Variants in PCDHGA7 observed in about 807,000 individuals in gnomAD.
PCDHGA7 encodes the protein protocadherin gamma-A7.
A neutral mutation model predicts 58.3 loss-of-function variants in PCDHGA7; 44 were observed. The ratio of observed to expected loss-of-function variants is 0.75; its 90% CI spans 0.59 to 0.97. The LOEUF is 0.97. PCDHGA7 is among the 50% of genes least tolerant of loss of function. The probability of loss-of-function intolerance (pLI) is 0.00; values close to 1 mark genes in which losing one functional copy is unlikely to be tolerated. For synonymous variants in PCDHGA7, 516 were observed against 504.2 expected (o/e 1.02, Z -0.31); for missense variants, 1,266 against 1,188.7 (o/e 1.06, Z -0.96).
chr5:141,489,477 G>C lies in PCDHGA7; in HGVS notation c.2425-5330G>C, dbSNP rs2154581232. 1.9e-6 allele frequency: 3 copies of C among 1,614,108 alleles called. No homozygotes were observed. Among genetic ancestry groups the C allele is most frequent in the Non-Finnish European group, 2.5e-6 (3 of 1,180,034 alleles). ...ATGGGCGCTATTTTTCCCTGAGCTT[G>C]ATGAGTGGTGCCCTGGCAGTGAATC... is the stretch of plus-strand genomic sequence containing the variant. On this transcript the variant is annotated intron_variant, in intron 1 of 3. Coordinates refer to ENST00000518325, the MANE Select transcript of PCDHGA7 (RefSeq NM_018920.4). This position sits in a 1 kb window ranked among gnomAD's most constrained non-coding sequence, Gnocchi z 4.5.
chr5:141,490,062 C>A lies in PCDHGA7; in HGVS notation c.2425-4745C>A, dbSNP rs758715682. 6.2e-7 allele frequency: 1 copy of A among 1,614,218 alleles called. No homozygotes were observed. The highest frequency in any genetic ancestry group is 1.1e-5 in the South Asian group (1 of 91,082). ...CCACTGATCCAGACGAGGGCACCAA[C>A]GGCCAACTAGACTATTCTTTTGGAG... On this transcript the variant is annotated intron_variant, in intron 1 of 3. Coordinates refer to ENST00000518325, the MANE Select transcript of PCDHGA7 (RefSeq NM_018920.4). The surrounding 1 kb of genome is among the most constrained non-coding windows in gnomAD (Gnocchi z 5.4).
At chr5:141,392,691 AC>A in intron 1 of PCDHGA7, 1 of 1,132,688 alleles carries the variant, frequency 8.8e-7, no homozygotes, top group Non-Finnish European at 1.2e-6. Context: ...GCGAAACCCG[AC>A]CCCTGTTTGG....
At chr5:141,411,895 A>G (rs945335839) in intron 1 of PCDHGA7, 1 of 152,254 alleles carries the variant, frequency 6.6e-6, no homozygotes, top group Non-Finnish European at 1.5e-5. Context: ...TAAATGAAAT[A>G]CTATTGCCTT....
intron 1 of PCDHGA7, chr5:141,433,358 C>CCCAT (rs1554125967): frequency 7.1e-5 from 36 of 503,934 alleles, no homozygotes; most frequent in African/African-American, 1.2e-4. Flanking sequence ...CTACTGTCTG[C>CCCAT]CTATCTATCT....
At chr5:141,402,120 T>C (rs17097267) in intron 1 of PCDHGA7, among the ~76,000 whole-genome samples, 16,890 of 152,168 alleles carry the variant, frequency 0.11, 1,101 homozygotes, top group African/African-American at 0.17. Context: ...TGTGAAAATT[T>C]CCAACTTTAA....
In PCDHGA7 at chr5:141,505,323, G is replaced by T. The variant is rs996747379; in HGVS notation, c.2484-70G>T. 12 of 1,606,640 alleles carry T rather than the reference G, an allele frequency of 7.5e-6. No homozygotes were observed. In the African/African-American group the frequency reaches 1.5e-4, roughly 20 times the overall value. On this transcript the variant is annotated intron_variant, in intron 2 of 3. Transcript: ENST00000518325. Reference sequence around the variant, plus strand: ...TAGGGTACTAGGTTTGGGAGCCCTGGGAGAGGACAGGAGGGGCATGAGCTG... The same window carrying T: ...TAGGGTACTAGGTTTGGGAGCCCTGTGAGAGGACAGGAGGGGCATGAGCTG...
Position 141,491,574 on chromosome 5 carries a change from T to G in PCDHGA7, c.2425-3233T>G. Reference sequence around the variant, plus strand: ...AGAGCCACTGCTACAGGACGTGCTTTTCACCGGCCTCGGACGGCAGTGACT... The same window carrying G: ...AGAGCCACTGCTACAGGACGTGCTTGTCACCGGCCTCGGACGGCAGTGACT... On this transcript the variant is annotated intron_variant, in intron 1 of 3. Transcript: ENST00000518325. This position sits in a 1 kb window ranked among gnomAD's most constrained non-coding sequence, Gnocchi z 6.9. The G allele has an allele frequency of 6.2e-7, 1 of 1,613,956 alleles. No homozygotes were observed. Among genetic ancestry groups the G allele is most frequent in the Non-Finnish European group, 8.5e-7 (1 of 1,180,032 alleles).
chr5:141,428,488 CTGT>C (rs2097142454), intron 1 of PCDHGA7: 1 of 312,362 alleles, frequency 3.2e-6, no homozygotes. Flanking sequence ...TTCCTGCAAT[CTGT>C]ATGTTCCCTC....
chr5:141,488,095 A>G (rs78361634), intron 1 of PCDHGA7, among the ~76,000 whole-genome samples: 8,142 of 152,146 alleles, frequency 0.054, 446 homozygotes, highest in African/African-American at 0.15. Flanking sequence ...CTGTGAAGGG[A>G]CCTCTCTATT....
intron 1 of PCDHGA7, among the ~76,000 whole-genome samples, chr5:141,458,726 C>T (rs1301761231): frequency 1.3e-5 from 2 of 151,992 alleles, no homozygotes; most frequent in African/African-American, 4.8e-5. Flanking sequence ...TTCGCCACCA[C>T]ATCCAGCTAT....
At position 141,487,886 on chromosome 5, in the gene PCDHGA7, G is replaced by A. The variant is rs1208779156; in HGVS notation, c.2425-6921G>A. On this transcript the variant is annotated intron_variant, in intron 1 of 3. Transcript: ENST00000518325. This position sits in a 1 kb window ranked among gnomAD's most constrained non-coding sequence, Gnocchi z 5.0. ...GATCAAGAGCCAGGCTGTTGTGGAA[G>A]CATGATGATGGAATGTGGGAGCACA... is the stretch of plus-strand genomic sequence containing the variant. 1.3e-6 allele frequency: 1 copy of A among 751,316 alleles called. No individual in the cohort carries two copies. The highest frequency in any genetic ancestry group is 2.1e-6 in the Non-Finnish European group (1 of 467,526). The allele number at this position is 751,316 out of a possible 1,614,324, so 46.5% of individuals were successfully genotyped here.
chr5:141,472,770 G>C (rs953423129), intron 1 of PCDHGA7, among the ~76,000 whole-genome samples: 5 of 152,046 alleles, frequency 3.3e-5, no homozygotes, highest in Admixed American at 6.6e-5. Flanking sequence ...CAGATCACCT[G>C]AGGTTGGGAG....
At chr5:141,398,367 G>C (rs1480641333) in intron 1 of PCDHGA7, 1 of 1,430,476 alleles carries the variant, frequency 7.0e-7, no homozygotes, top group Non-Finnish European at 9.7e-7. Context: ...TGAGCGCAGA[G>C]AGCGGGGAGT....
intron 1 of PCDHGA7, chr5:141,403,705 C>T: frequency 6.2e-7 from 1 of 1,613,894 alleles, no homozygotes; most frequent in Non-Finnish European, 8.5e-7. Context: ...GAGTTAAAGT[C>T]CTTGAGAACG....
intron 1 of PCDHGA7, chr5:141,403,283 G>A: frequency 6.2e-7 from 1 of 1,613,914 alleles, no homozygotes; most frequent in South Asian, 1.1e-5. Context: ...AGTCCTGGTT[G>A]AAGACAGAGT....
intron 1 of PCDHGA7, among the ~76,000 whole-genome samples, chr5:141,387,047 TTGTGTAA>T (rs1005909383): frequency 1.3e-4 from 20 of 152,186 alleles, no homozygotes; most frequent in African/African-American, 4.8e-4. Flanking sequence ...AGTAAAATAA[TTGTGTAA>T]TGAGGAGAGG....
intron 1 of PCDHGA7, chr5:141,428,224 G>A (rs1232582892): frequency 1.7e-6 from 2 of 1,164,198 alleles, no homozygotes; most frequent in Non-Finnish European, 1.3e-6. Flanking sequence ...AGTCTTCGCA[G>A]ACAGCCTGCA....
intron 1 of PCDHGA7, chr5:141,390,129 T>G (rs1194598931): frequency 6.2e-7 from 1 of 1,613,936 alleles, no homozygotes; most frequent in Non-Finnish European, 8.5e-7. Flanking sequence ...TTTGCCTTAT[T>G]CCTACAATCT....
Position 141,477,783 on chromosome 5 carries a change from T to C in PCDHGA7, c.2425-17024T>C. 1 of 1,614,078 alleles carries C rather than the reference T, an allele frequency of 6.2e-7. No individual in the cohort carries two copies. Among genetic ancestry groups the C allele is most frequent in the Non-Finnish European group, 8.5e-7 (1 of 1,180,028 alleles). On this transcript the variant is annotated intron_variant, in intron 1 of 3. Coordinates refer to ENST00000518325, the MANE Select transcript of PCDHGA7 (RefSeq NM_018920.4). The surrounding 1 kb of genome is among the most constrained non-coding windows in gnomAD (Gnocchi z 4.9). ...GCCACCAACATCAGCGTGAACATAT[T>C]TGTCACTGATCGCAATGACAATGCC...
Sources: allele counts gnomAD v4.1 joint callset (sites outside exome capture counted in the v4.1 genomes callset), GRCh38; gene constraint gnomAD v4.1.1; non-coding constraint Gnocchi (gnomAD v3.1); transcripts MANE v1.5; gene names NCBI Gene and HGNC (gene_info 2026-07-23, HGNC 2026-07-21).